The following ATPSCKMT variants were observed in gnomAD, a reference collection of about 807,000 sequenced individuals.
ATPSCKMT encodes the protein ATP synthase subunit C lysine N-methyltransferase.
Under a neutral mutation model 24.3 loss-of-function variants are expected in ATPSCKMT, and 24 were observed. The observed-to-expected ratio is 0.99, with a 90% confidence interval of 0.71 to 1.39. The LOEUF (loss-of-function observed/expected upper bound fraction) is 1.39, where lower values mean the gene tolerates loss of function less well. Among genes scored for constraint, ATPSCKMT ranks in the 40% most tolerant of loss-of-function variants. ATPSCKMT has a pLI of 0.00. For missense variants in ATPSCKMT, 311 were observed against 298.4 expected (o/e 1.04, Z -0.31); for synonymous variants, 95 against 110.5 (o/e 0.86, Z 0.88).
chr5:10,228,231 G>A (rs995095504), intron 4 of ATPSCKMT, among the ~76,000 whole-genome samples: 3 of 152,072 alleles, frequency 2.0e-5, no homozygotes, highest in South Asian at 2.1e-4. Flanking sequence ...CAATTTTTTT[G>A]TTTCTCAATA....
At chr5:10,229,631 C>A (rs1365058727) in intron 4 of ATPSCKMT, among the ~76,000 whole-genome samples, 1 of 152,206 alleles carries the variant, frequency 6.6e-6, no homozygotes, top group Non-Finnish European at 1.5e-5. Flanking sequence ...TGATTCTGGC[C>A]TGAATCAATC....
intron 1 of ATPSCKMT, among the ~76,000 whole-genome samples, chr5:10,242,943 C>G (rs1232954676): frequency 6.6e-6 from 1 of 152,126 alleles, no homozygotes; most frequent in African/African-American, 2.4e-5. Context: ...TTAAAATATT[C>G]AAAAATCATG....
chr5:10,239,497 T>C (rs1024437678), intron 1 of ATPSCKMT, 141 bp from the exon 2 acceptor site: 3 of 700,218 alleles, frequency 4.3e-6, no homozygotes, highest in Non-Finnish European at 7.0e-6. Context: ...AAATGTCAAC[T>C]GTAGGATCCC....
At chr5:10,245,976 TTC>T (rs1202625502) in intron 1 of ATPSCKMT, among the ~76,000 whole-genome samples, 2 of 152,178 alleles carry the variant, frequency 1.3e-5, no homozygotes, top group Non-Finnish European at 2.9e-5. Context: ...AATTTAATGT[TTC>T]TTTTTATATT....
chr5:10,230,738 G>GC (rs1316974528), intron 4 of ATPSCKMT, among the ~76,000 whole-genome samples: 1 of 151,688 alleles, frequency 6.6e-6, no homozygotes, highest in African/African-American at 2.4e-5. Context: ...CACACATCCC[G>GC]CCCCCCAGGA....
Position 10,236,453 on chromosome 5 carries a change from T to C in ATPSCKMT, c.444+25A>G, listed in dbSNP as rs201076739. ...AATAAAATTTTCCCTTGGATTTCTC[T>C]AGGGCCATTCTCTGCCTTACATACC... On this transcript the variant is annotated intron_variant, in intron 3 of 4. Coordinates refer to ENST00000511437, the MANE Select transcript of ATPSCKMT (RefSeq NM_199133.4). The C allele has an allele frequency of 2.9e-5, 46 of 1,608,764 alleles. No homozygotes were observed. In the African/African-American group the frequency reaches 3.1e-4, roughly 11 times the overall value.
chr5:10,247,085 T>C (rs1409798693), intron 1 of ATPSCKMT, among the ~76,000 whole-genome samples: 1 of 152,226 alleles, frequency 6.6e-6, no homozygotes, highest in Non-Finnish European at 1.5e-5. Flanking sequence ...ATGTGCACTG[T>C]GATGAAACTT....
chr5:10,243,462 G>A (rs1744742378), intron 1 of ATPSCKMT, among the ~76,000 whole-genome samples: 1 of 151,490 alleles, frequency 6.6e-6, no homozygotes, highest in Non-Finnish European at 1.5e-5. Context: ...GGATGACAGA[G>A]CGAGACTCCG....
At chr5:10,240,482 G>A (rs1242233962) in intron 1 of ATPSCKMT, among the ~76,000 whole-genome samples, 1 of 152,120 alleles carries the variant, frequency 6.6e-6, no homozygotes. Context: ...TCCAGAGCCA[G>A]CCAAAGTTAG....
chr5:10,249,147 T>C (rs1282694683), intron 1 of ATPSCKMT, among the ~76,000 whole-genome samples: 1 of 151,428 alleles, frequency 6.6e-6, no homozygotes, highest in East Asian at 1.9e-4. Flanking sequence ...TCTGTGCCTG[T>C]AGTCCCAGCT....
rs190739001 is a variant in ATPSCKMT, at chr5:10,239,121, C to A, written c.252G>T (p.Met84Ile). Residue 84 changes from methionine (M) to isoleucine (I), a missense_variant, in exon 2 of 5, where the codon ATG (methionine) becomes ATT (isoleucine). Transcript: ENST00000511437. ...CAAGGGATCCTCTTCGGCATCGCAA[C>A]ATTTTCACAACATTTTCAATCTGCT... ...TTKQIENVVK[M>I]LRCRRGSLVD... 2.4e-4 allele frequency: 388 copies of A among 1,614,202 alleles called. 1 individual carries two copies. In the African/African-American group the frequency reaches 4.5e-3, roughly 19 times the overall value.
At chr5:10,234,145 T>C (rs986269326) in intron 4 of ATPSCKMT, among the ~76,000 whole-genome samples, 7 of 152,148 alleles carry the variant, frequency 4.6e-5, no homozygotes, top group Non-Finnish European at 7.3e-5. Flanking sequence ...CTGGCCAACA[T>C]GGCAAAACCC....
chr5:10,248,826 G>A (rs1308259754), intron 1 of ATPSCKMT, among the ~76,000 whole-genome samples: 1 of 152,160 alleles, frequency 6.6e-6, no homozygotes, highest in East Asian at 1.9e-4. Context: ...ATGGCAGTAG[G>A]GGAGAAGCAA....
At chr5:10,230,308 T>C (rs1349568055) in intron 4 of ATPSCKMT, among the ~76,000 whole-genome samples, 1 of 152,126 alleles carries the variant, frequency 6.6e-6, no homozygotes, top group African/African-American at 2.4e-5. Context: ...AAAAATTAAA[T>C]AAGCAAAGAA....
At position 10,227,566 on chromosome 5, in the gene ATPSCKMT, A is replaced by G. The variant is rs1249022464; in HGVS notation, c.577T>C (p.Trp193Arg). ...VIACRFPFPH[W>R]TPDHVTGEGI... is the part of the protein sequence containing the mutation. ...TCCCCCGTGACGTGGTCTGGAGTCCAATGTGGGAAAGGGAACCGGCAAGCA... is the reference window on the plus strand; with the variant it reads ...TCCCCCGTGACGTGGTCTGGAGTCCGATGTGGGAAAGGGAACCGGCAAGCA... The change falls in exon 5 of 5, where the codon TGG (tryptophan) becomes CGG (arginine). Residue 193 changes from tryptophan to arginine, a missense_variant. Physicochemically the swap from Trp to Arg is moderately radical, Grantham distance 101 (BLOSUM62 -3). Coordinates refer to ENST00000511437, the MANE Select transcript of ATPSCKMT (RefSeq NM_199133.4). The G allele has an allele frequency of 6.2e-7, 1 of 1,614,176 alleles. No individual in the cohort carries two copies. Among genetic ancestry groups the G allele is most frequent in the Non-Finnish European group, 8.5e-7 (1 of 1,180,028 alleles).
At position 10,226,689 on chromosome 5, in the gene ATPSCKMT, A is replaced by C. The variant is rs1189456507; in HGVS notation, c.*752T>G. ...GTGTCTAAAATAACAAACACCATTTATGGACCAAAGACTAGGTGCCATGAG... is the reference window on the plus strand; with the variant it reads ...GTGTCTAAAATAACAAACACCATTTCTGGACCAAAGACTAGGTGCCATGAG... On this transcript the variant is annotated 3_prime_UTR_variant, in exon 5 of 5. Transcript: ENST00000511437. 6.6e-6 allele frequency: 1 copy of C among 152,236 alleles called. No homozygotes were observed. Among genetic ancestry groups the C allele is most frequent in the African/African-American group, 2.4e-5 (1 of 41,466 alleles). The allele number at this position is 152,236 out of a possible 1,614,324, so 9.4% of individuals were successfully genotyped here.
rs761350309 is a variant in ATPSCKMT, at chr5:10,249,834, C to G, written c.16+24G>C. 38 of 1,542,264 alleles carry G rather than the reference C, an allele frequency of 2.5e-5. 1 individual carries two copies. In the South Asian group the frequency reaches 4.4e-4, roughly 18 times the overall value. ...GCACCCCTTCTCATGCCCCCAGGAA[C>G]CCGCCAAGCCGCTCCAGCCTCACCT... On this transcript the variant is annotated intron_variant, in intron 1 of 4. Transcript: ENST00000511437.
rs747568636 is a variant in ATPSCKMT at position 10,239,203 on chromosome 5, G to A, written c.170C>T (p.Pro57Leu). 6.9e-5 allele frequency: 112 copies of A among 1,614,044 alleles called. No homozygotes were observed. Among genetic ancestry groups the A allele is most frequent in the East Asian group, 2.7e-4 (12 of 44,898 alleles). Reference sequence around the variant, plus strand: ...TTTTCGAAGGGCTGGCGTTACAAACGGCGTGGCTACAGCGTACACAGCCAC... The same window carrying A: ...TTTTCGAAGGGCTGGCGTTACAAACAGCGTGGCTACAGCGTACACAGCCAC... ...TLVAVYAVAT[P>L]FVTPALRKVC... is the part of the protein sequence containing the mutation. The change falls in exon 2 of 5, where the codon CCG becomes CTG. Residue 57 changes from proline to leucine, a missense_variant. Transcript: ENST00000511437.
At position 10,227,372 on chromosome 5, in the gene ATPSCKMT, G is replaced by A; in HGVS notation, c.*69C>T. The A allele has an allele frequency of 1.3e-6, 2 of 1,508,918 alleles. No individual in the cohort carries two copies. The highest frequency in any genetic ancestry group is 1.8e-6 in the Non-Finnish European group (2 of 1,093,756). The allele number at this position is 1,508,918 out of a possible 1,614,324, so 93.5% of individuals were successfully genotyped here. A position where few individuals can be genotyped will look rare whatever the true frequency, so the allele number is the denominator to read the frequency against. On this transcript the variant is annotated 3_prime_UTR_variant, in exon 5 of 5. Transcript: ENST00000511437. ...AAGACAATTATGCTCCTTTGCTAAG[G>A]ACACAGCTGTAAGTCTCTACAAGAT... is the stretch of plus-strand genomic sequence containing the variant.
Sources: allele counts gnomAD v4.1 joint callset (sites outside exome capture counted in the v4.1 genomes callset), GRCh38; gene constraint gnomAD v4.1.1; transcripts MANE v1.5; gene names NCBI Gene and HGNC (gene_info 2026-07-23, HGNC 2026-07-21).